Variants in TEP1 observed in about 807,000 individuals in gnomAD.
TEP1 encodes telomerase protein component 1.
In TEP1, 241 loss-of-function variants were observed where a neutral mutation model predicts 306.3. That is an observed-to-expected ratio of 0.79 (90% CI 0.71 to 0.88). The LOEUF (loss-of-function observed/expected upper bound fraction) is 0.88, where lower values mean the gene tolerates loss of function less well. TEP1 is among the 40% of genes least tolerant of loss of function. The pLI is 0.00. For synonymous variants in TEP1, 1,289 were observed against 1,305.5 expected (o/e 0.99, Z 0.27); for missense variants, 3,051 against 3,276.1 (o/e 0.93, Z 1.68).
At position 20,389,085 on chromosome 14, in the gene TEP1, T is replaced by C. The variant is rs185167057; in HGVS notation, c.2525+153A>G. ...ATCGCTTGAACCCAGGAGATGGAGG[T>C]TGCAGTGAGCCAAGATTGTGCCACT... On this transcript the variant is annotated intron_variant, in intron 17 of 54. Transcript: ENST00000262715. Among the ~76,000 whole-genome samples the C allele has an allele frequency of 2.6e-5, 4 of 151,454 alleles. No individual in the cohort carries two copies. In the East Asian group the frequency reaches 7.8e-4, roughly 29 times the overall value.
chr14:20,399,602 G>C (rs1400542976), intron 9 of TEP1, among the ~76,000 whole-genome samples: 1 of 125,598 alleles, frequency 8.0e-6, no homozygotes, highest in South Asian at 2.5e-4. Context: ...TTGGAGACCA[G>C]CCTTGGCAAC....
intron 54 of TEP1, 28 bp downstream of exon 54, chr14:20,368,764 GCACACA>G (rs112024184): frequency 1.7e-3 from 2,258 of 1,341,502 alleles, no homozygotes; most frequent in African/African-American, 4.9e-3. Context: ...GCAGGCGCAC[GCACACA>G]CACACACACA....
At position 20,380,419 on chromosome 14, in the gene TEP1, G is replaced by A. The variant is rs143943859; in HGVS notation, c.4819C>T (p.Arg1607Cys). ...GAAGCCTGCTGCCTCAGGAAGGTGC[G>A]AAACACTGCAACGTCAGCCTCGGGG... ...KLPEADVAVF[R>C]TFLRQQASIL... The change falls in exon 34 of 55, where the codon CGC (arginine) becomes TGC (cysteine). Residue 1607 changes from arginine (R) to cysteine (C), a missense_variant. Arg to Cys is a radical substitution (Grantham distance 180). Around this residue, in one of 3 missense-constraint regions of TEP1, gnomAD observed 1,540 missense variants for 1,705.9 expected, o/e 0.90. Coordinates refer to ENST00000262715, the MANE Select transcript of TEP1 (RefSeq NM_007110.5). 1.2e-4 allele frequency: 194 copies of A among 1,614,026 alleles called. No individual in the cohort carries two copies. The highest frequency in any genetic ancestry group is 2.2e-4 in the East Asian group (10 of 44,892).
rs763127688 is a variant in TEP1, at chr14:20,378,982, G to A, written c.5251C>T (p.Arg1751Trp). 3.0e-5 allele frequency: 49 copies of A among 1,614,030 alleles called. No individual in the cohort carries two copies. Among genetic ancestry groups the A allele is most frequent in the Admixed American group, 1.3e-4 (8 of 60,012 alleles). ...AGACAAATGGGGAGGACCCCTTACC[G>A]ACAACCATGCTGCAGGTCCCAGAGC... ...LELWDLQHGCRVLQTKAHQYQ... is the reference protein window; with the variant it reads ...LELWDLQHGCWVLQTKAHQYQ... The change falls in exon 36 of 55, where the codon CGG becomes TGG. Residue 1751 changes from arginine to tryptophan, a missense_variant and splice_region_variant. By Grantham distance (101) the Arg-to-Trp change is moderately radical. Around this residue, in one of 3 missense-constraint regions of TEP1, gnomAD observed 1,540 missense variants for 1,705.9 expected, o/e 0.90. Coordinates refer to ENST00000262715, the MANE Select transcript of TEP1 (RefSeq NM_007110.5).
In TEP1 at chr14:20,368,415, A is replaced by T. The variant is rs1884599238; in HGVS notation, c.*22T>A. 6.2e-7 allele frequency: 1 copy of T among 1,613,214 alleles called. No homozygotes were observed. Among genetic ancestry groups the T allele is most frequent in the Non-Finnish European group, 8.5e-7 (1 of 1,179,222 alleles). On this transcript the variant is annotated 3_prime_UTR_variant, in exon 55 of 55. Coordinates refer to ENST00000262715, the MANE Select transcript of TEP1 (RefSeq NM_007110.5). ...TTGCATCTCTAGCACAAGGGGTATC[A>T]TTATTCCCGAGTGGCACATCTTCAT...
chr14:20,369,419 A>C lies in TEP1; in HGVS notation c.7581T>G (p.Ser2527=). The change falls in exon 53 of 55, where the codon TCT becomes TCG. Residue 2527 remains serine, a synonymous_variant. Transcript: ENST00000262715. The stretch of plus-strand genomic sequence containing the variant: ...TGGCATCACTATCCATGCTGGCATC[A>C]GATTCCCTGCAGGTAGATGGGTCTG... ...PGTDPSTCRE[S]DASMDSDASM... 2 of 1,614,220 alleles carry C rather than the reference A, an allele frequency of 1.2e-6. No individual in the cohort carries two copies. The highest frequency in any genetic ancestry group is 1.7e-6 in the Non-Finnish European group (2 of 1,180,034).
intron 49 of TEP1, among the ~76,000 whole-genome samples, chr14:20,372,380 ATG>A (rs59329010): frequency 0.044 from 6,095 of 139,548 alleles, 214 homozygotes; most frequent in African/African-American, 0.097. Context: ...GTGTGTGTGT[ATG>A]TGTGTGTGTG....
Position 20,385,034 on chromosome 14 carries a change from G to A in TEP1, c.3058C>T (p.Gln1020Ter). The change falls in exon 21 of 55, where the codon CAG (glutamine) becomes TAG (stop). Residue 1020 changes from glutamine (Q) to a stop codon, truncating the protein, a stop_gained. Transcript: ENST00000262715. LOFTEE classifies it high-confidence loss of function. ...TAGATGAGAGCTTGGGCAGAGGGCT[G>A]CAGACGTTGGTTCCGGTTCAGGAAC... ...MQFLNRNQRL[Q>*]PSAQALIYFR... 1.2e-6 allele frequency: 2 copies of A among 1,614,216 alleles called. No individual in the cohort carries two copies. The highest frequency in any genetic ancestry group is 1.7e-6 in the Non-Finnish European group (2 of 1,180,040).
Position 20,407,948 on chromosome 14 carries a change from C to T in TEP1, c.492G>A (p.Lys164=). ...TAGGGCAGGTTGAAAGGTCTAGTCCCTTAGAGAAATGCTGAGCCCTCCAAC... is the reference window on the plus strand; with the variant it reads ...TAGGGCAGGTTGAAAGGTCTAGTCCTTTAGAGAAATGCTGAGCCCTCCAAC... ...PPSWRAQHFS[K]GLDLSTCPIA... is the part of the protein sequence containing the mutation. Residue 164 remains lysine (K), a synonymous_variant, in exon 2 of 55, where the codon AAG becomes AAA. Coordinates refer to ENST00000262715, the MANE Select transcript of TEP1 (RefSeq NM_007110.5). The T allele has an allele frequency of 6.2e-7, 1 of 1,614,166 alleles. No homozygotes were observed. Among genetic ancestry groups the T allele is most frequent in the African/African-American group, 1.3e-5 (1 of 75,022 alleles).
intron 16 of TEP1, 69 bp downstream of exon 16, chr14:20,389,541 T>C: frequency 6.3e-7 from 1 of 1,590,296 alleles, no homozygotes; most frequent in Non-Finnish European, 8.6e-7. Flanking sequence ...TCCTATGCTT[T>C]GGCAGGCGTA....
intron 27 of TEP1, 128 bp from the exon 28 acceptor site, chr14:20,382,843 C>A: frequency 1.2e-6 from 1 of 837,852 alleles, no homozygotes. Flanking sequence ...AGGTCCATGG[C>A]ATCATCCCAG....
chr14:20,384,952 A>T, intron 21 of TEP1, 33 bp downstream of exon 21: 1 of 1,613,912 alleles, frequency 6.2e-7, no homozygotes, highest in Non-Finnish European at 8.5e-7. Context: ...CCTTTTGGGG[A>T]AGGAGCCCCA....
rs143407981 is a variant in TEP1 at position 20,381,854 on chromosome 14, C to T, written c.4424+59G>A. ...GTTGTTGAAGCTATACAGAGGGCCC[C>T]GGCTCAAAGAAGGGAAGGCACAGAG... On this transcript the variant is annotated intron_variant, in intron 30 of 54. Coordinates refer to ENST00000262715, the MANE Select transcript of TEP1 (RefSeq NM_007110.5). This position sits in a 1 kb window ranked among gnomAD's most constrained non-coding sequence, Gnocchi z 4.0. 2,022 of 1,594,608 alleles carry T rather than the reference C, an allele frequency of 1.3e-3. 21 individuals carry two copies. In the African/African-American group the frequency reaches 0.022, roughly 18 times the overall value.
rs1226143881 is a variant in TEP1, at chr14:20,383,282, G to A, written c.3939C>T (p.Ala1313=). 2 of 1,613,492 alleles carry A rather than the reference G, an allele frequency of 1.2e-6. No homozygotes were observed. Among genetic ancestry groups the A allele is most frequent in the East Asian group, 4.5e-5 (2 of 44,850 alleles). Residue 1313 remains alanine, a synonymous_variant, in exon 27 of 55, where the codon GCC becomes GCT. Transcript: ENST00000262715. ...CCAGAGGCCCCAAGGCCAGCACGTG[G>A]GCACCCTGGCTCTGCTCAAGGGTCT... The part of the protein sequence containing the change: ...LGETLEQSQG[A]HVLALGPLEA...
chr14:20,399,856 G>A (rs571733253), intron 9 of TEP1, among the ~76,000 whole-genome samples: 1 of 151,938 alleles, frequency 6.6e-6, no homozygotes, highest in East Asian at 1.9e-4. Flanking sequence ...GTGGAGATGG[G>A]TGCATATAGA....
At chr14:20,379,705 T>A (rs949862022) in intron 35 of TEP1, among the ~76,000 whole-genome samples, 3 of 152,350 alleles carry the variant, frequency 2.0e-5, no homozygotes, top group African/African-American at 7.2e-5. Flanking sequence ...ATGTCCCAAA[T>A]CCTGTGTTTC....
intron 10 of TEP1, 123 bp from the exon 11 acceptor site, chr14:20,396,072 A>G: frequency 5.0e-6 from 3 of 596,574 alleles, no homozygotes; most frequent in Non-Finnish European, 8.9e-6. Flanking sequence ...GACAAGAGAT[A>G]TAGAAAAGGG....
Position 20,366,651 on chromosome 14 carries a change from G to A in TEP1, c.*1786C>T, listed in dbSNP as rs1884488602. 1 of 152,162 alleles carries A rather than the reference G, an allele frequency of 6.6e-6. No individual in the cohort carries two copies. Among genetic ancestry groups the A allele is most frequent in the Admixed American group, 6.5e-5 (1 of 15,270 alleles). The allele number at this position is 152,162 out of a possible 1,614,324, so 9.4% of individuals were successfully genotyped here. ...ATGTAAAACCTGGAATCAGGGTACA[G>A]TGAGAGTAAAACTCAGTGCCCTTTA... On this transcript the variant is annotated 3_prime_UTR_variant, in exon 55 of 55. Coordinates refer to ENST00000262715, the MANE Select transcript of TEP1 (RefSeq NM_007110.5).
intron 5 of TEP1, among the ~76,000 whole-genome samples, 187 bp from the exon 6 acceptor site, chr14:20,404,071 G>C (rs952335157): frequency 6.6e-6 from 1 of 152,304 alleles, no homozygotes; most frequent in South Asian, 2.1e-4. Context: ...GGTCCTGGCT[G>C]GGCAGGGTGG....
Sources: gnomAD v4.1 joint callset for allele counts (sites outside exome capture counted in the v4.1 genomes callset) on GRCh38, gnomAD v4.1.1 for gene constraint, gnomAD v4.1.1 regional missense constraint, Gnocchi (gnomAD v3.1) non-coding constraint, MANE v1.5 for transcripts, NCBI Gene and HGNC (gene_info 2026-07-23, HGNC 2026-07-21) for gene names.